MACROD2: variants seen among roughly 807,000 people sequenced by gnomAD.
MACROD2 encodes the protein ADP-ribose glycohydrolase MACROD2.
In MACROD2, 36 loss-of-function variants were observed where a neutral mutation model predicts 70.4. The ratio of observed to expected loss-of-function variants is 0.51; its 90% confidence interval spans 0.39 to 0.68. The LOEUF is 0.68. Ranked by LOEUF, MACROD2 falls within the 30% of genes least tolerant of loss-of-function variation. MACROD2 has a pLI of 0.00. For synonymous variants in MACROD2, 172 were observed against 178.8 expected (o/e 0.96, Z 0.30); for missense variants, 496 against 538.4 (o/e 0.92, Z 0.78).
chr20:14,329,043 T>C (rs1402037380), intron 3 of MACROD2: 2 of 151,898 alleles, frequency 1.3e-5, no homozygotes, highest in Non-Finnish European at 2.9e-5. Context: ...TAGTAATAGG[T>C]TTTTCAGGCA....
intron 6 of MACROD2, among the ~76,000 whole-genome samples, chr20:15,302,584 A>G: frequency 6.6e-6 from 1 of 152,174 alleles, no homozygotes; most frequent in South Asian, 2.1e-4. Flanking sequence ...TGGATATTCC[A>G]TTTGCTTCAG....
intron 5 of MACROD2, among the ~76,000 whole-genome samples, chr20:14,807,980 A>C (rs2072660407): frequency 6.6e-6 from 1 of 152,146 alleles, no homozygotes; most frequent in African/African-American, 2.4e-5. Flanking sequence ...GGTGTACCTG[A>C]AAGTGATGGG....
At chr20:15,413,675 G>A (rs2046109430) in intron 6 of MACROD2, among the ~76,000 whole-genome samples, 1 of 152,294 alleles carries the variant, frequency 6.6e-6, no homozygotes, top group South Asian at 2.1e-4. Context: ...CAACCTGAAG[G>A]CAGGAGACAA....
chr20:14,637,855 AGT>A (rs1984865503), intron 4 of MACROD2, among the ~76,000 whole-genome samples: 1 of 152,074 alleles, frequency 6.6e-6, no homozygotes, highest in Non-Finnish European at 1.5e-5. Flanking sequence ...TTTCCCTCTC[AGT>A]ATTCTCTGGC....
At chr20:15,202,281 C>T (rs1336491148) in intron 5 of MACROD2, among the ~76,000 whole-genome samples, 2 of 152,154 alleles carry the variant, frequency 1.3e-5, no homozygotes, top group Non-Finnish European at 2.9e-5. Flanking sequence ...AATGTTTCTG[C>T]ACCATTTGCA....
At chr20:15,640,364 G>A (rs1324392080) in intron 8 of MACROD2, among the ~76,000 whole-genome samples, 1 of 152,158 alleles carries the variant, frequency 6.6e-6, no homozygotes, top group Non-Finnish European at 1.5e-5. Context: ...CAAAGACGGT[G>A]AGACCCAGGT....
At chr20:14,074,642 A>G (rs933973334) in intron 2 of MACROD2, among the ~76,000 whole-genome samples, 14 of 152,116 alleles carry the variant, frequency 9.2e-5, no homozygotes, top group Non-Finnish European at 2.9e-5. Context: ...TGAGATGGAA[A>G]TGGTTTCTCC....
intron 3 of MACROD2, among the ~76,000 whole-genome samples, chr20:14,198,120 G>A (rs993779166): frequency 1.3e-5 from 2 of 152,056 alleles, no homozygotes; most frequent in Non-Finnish European, 2.9e-5. Context: ...GGAGGGCTGT[G>A]TGTTTGTGTG....
At chr20:15,993,868 G>A (rs2066592805) in intron 15 of MACROD2, among the ~76,000 whole-genome samples, 2 of 152,042 alleles carry the variant, frequency 1.3e-5, no homozygotes, top group South Asian at 4.2e-4. Flanking sequence ...CCTTCTACCT[G>A]TACAGATGTG....
At chr20:14,811,366 G>A (rs575022052) in intron 5 of MACROD2, among the ~76,000 whole-genome samples, 9 of 152,192 alleles carry the variant, frequency 5.9e-5, no homozygotes, top group Admixed American at 5.2e-4. Flanking sequence ...AAATGGTGTT[G>A]GGAAAACTGG....
At chr20:14,139,214 C>T (rs758442712) in intron 3 of MACROD2, among the ~76,000 whole-genome samples, 3 of 152,196 alleles carry the variant, frequency 2.0e-5, no homozygotes, top group Non-Finnish European at 4.4e-5. Context: ...GTCTCAAACT[C>T]CTGACCTCAG....
At chr20:15,427,338 A>G (rs2046311674) in intron 6 of MACROD2, among the ~76,000 whole-genome samples, 1 of 152,184 alleles carries the variant, frequency 6.6e-6, no homozygotes, top group Admixed American at 6.5e-5. Context: ...TCCAAGACAG[A>G]ACTGAGAGCT....
chr20:14,161,478 G>A (rs963405499), intron 3 of MACROD2, among the ~76,000 whole-genome samples: 7 of 151,534 alleles, frequency 4.6e-5, no homozygotes, highest in Non-Finnish European at 1.0e-4. Flanking sequence ...GAGCCACTGC[G>A]CCCGGCCAAT....
chr20:14,916,799 G>A (rs879339536), intron 5 of MACROD2, among the ~76,000 whole-genome samples: 14 of 152,206 alleles, frequency 9.2e-5, no homozygotes, highest in Admixed American at 7.8e-4. Flanking sequence ...TATAATTCCC[G>A]TATTCCCTGC....
intron 5 of MACROD2, among the ~76,000 whole-genome samples, chr20:15,139,021 G>T (rs1457321696): frequency 6.6e-6 from 1 of 152,172 alleles, no homozygotes; most frequent in African/African-American, 2.4e-5. Context: ...CACCCCTAAA[G>T]CTTGACAATG....
intron 5 of MACROD2, among the ~76,000 whole-genome samples, chr20:14,708,449 G>C (rs1426026459): frequency 1.3e-5 from 2 of 152,184 alleles, no homozygotes; most frequent in Non-Finnish European, 1.5e-5. Flanking sequence ...CCTGGGGACT[G>C]TAGTTTGCTG....
intron 6 of MACROD2, among the ~76,000 whole-genome samples, chr20:15,230,350 A>G (rs147125092): frequency 6.6e-6 from 1 of 152,246 alleles, no homozygotes; most frequent in East Asian, 1.9e-4. Flanking sequence ...GAGAAAGTAA[A>G]TATTATGGTA....
At chr20:14,883,547 C>G (rs1233002515) in intron 5 of MACROD2, among the ~76,000 whole-genome samples, 1 of 151,990 alleles carries the variant, frequency 6.6e-6, no homozygotes, top group African/African-American at 2.4e-5. Flanking sequence ...CATTCACATT[C>G]CAGTTCTGAA....
At chr20:14,714,318 C>G (rs571728464) in intron 5 of MACROD2, among the ~76,000 whole-genome samples, 1 of 152,082 alleles carries the variant, frequency 6.6e-6, no homozygotes. Flanking sequence ...GTGCACCTCT[C>G]ACCACCCACT....
Sources: allele counts gnomAD v4.1 joint callset (sites outside exome capture counted in the v4.1 genomes callset), GRCh38; gene constraint gnomAD v4.1.1; transcripts MANE v1.5; gene names NCBI Gene and HGNC (gene_info 2026-07-23, HGNC 2026-07-21).